Variants in STK32B observed in about 807,000 individuals in gnomAD.
The protein encoded by STK32B is serine/threonine kinase 32B, also known as serine/threonine-protein kinase 32B.
A neutral mutation model predicts 52.6 loss-of-function variants in STK32B; 43 were observed. The observed-to-expected ratio is 0.82, with a 90% CI of 0.64 to 1.05. The LOEUF is 1.05. Among genes scored for constraint, STK32B ranks in the 50% least tolerant of loss-of-function variants. The pLI, the probability that STK32B is intolerant of heterozygous loss-of-function variation, is 0.00. For synonymous variants in STK32B, 238 were observed against 204.3 expected, an observed-to-expected ratio of 1.17 and a Z score of -1.41; for missense variants, 621 against 534.6, an observed-to-expected ratio of 1.16 and a Z score of -1.59.
rs562838621 is a variant in STK32B, at chr4:5,486,248, C to T, written c.1107-12697C>T. Among the ~76,000 whole-genome samples the T allele has an allele frequency of 6.6e-5, 10 of 152,308 alleles. No individual in the cohort carries two copies. In the South Asian group the frequency reaches 2.1e-3, roughly 32 times the overall value. On this transcript the variant is annotated intron_variant, in intron 11 of 11. Transcript: ENST00000282908. ...AGTGGGCTCCACCCAGTTCGAGCTT[C>T]CCAGCCTCTTTGTTTACCTACTCAA...
intron 6 of STK32B, among the ~76,000 whole-genome samples, chr4:5,421,179 T>G (rs556839809): frequency 5.3e-5 from 8 of 152,202 alleles, no homozygotes; most frequent in African/African-American, 1.9e-4. Flanking sequence ...AAACTCCACC[T>G]CCTGGGTTCA....
At chr4:5,405,968 T>C (rs1302105531) in intron 5 of STK32B, among the ~76,000 whole-genome samples, 2 of 152,188 alleles carry the variant, frequency 1.3e-5, no homozygotes, top group East Asian at 3.8e-4. Flanking sequence ...ATTTGAGCAT[T>C]AACTCAAAAG....
rs73091570 is a variant in STK32B at position 5,167,985 on chromosome 4, A to G, written c.109-314A>G. Among the ~76,000 whole-genome samples the G allele has an allele frequency of 6.4e-3, 977 of 152,050 alleles. 10 individuals are homozygous for G. Among genetic ancestry groups the G allele is most frequent in the African/African-American group, 0.022 (894 of 41,466 alleles). On this transcript the variant is annotated intron_variant, in intron 2 of 11. Transcript: ENST00000282908. ...TCACTGGTGCTTTTTGCATTTATCT[A>G]TTTTCCTCGTGGGCTGTGAGCCCCT... is the stretch of plus-strand genomic sequence containing the variant.
intron 1 of STK32B, among the ~76,000 whole-genome samples, chr4:5,094,241 A>T (rs1378758072): frequency 6.6e-6 from 1 of 152,258 alleles, no homozygotes; most frequent in Non-Finnish European, 1.5e-5. Context: ...CAAAGAATTT[A>T]AGGCCAGCAA....
chr4:5,496,146 C>T (rs1371472203), intron 11 of STK32B, among the ~76,000 whole-genome samples: 1 of 152,232 alleles, frequency 6.6e-6, no homozygotes, highest in Non-Finnish European at 1.5e-5. Context: ...GAGGTTACTG[C>T]TGTCTTTTTG....
chr4:5,313,662 C>T (rs758063127), intron 3 of STK32B, among the ~76,000 whole-genome samples: 1 of 151,960 alleles, frequency 6.6e-6, no homozygotes, highest in Non-Finnish European at 1.5e-5. Context: ...TGTGTATGTG[C>T]GTGTGTGTGC....
chr4:5,263,987 A>G (rs904604590), intron 3 of STK32B, among the ~76,000 whole-genome samples: 1 of 152,242 alleles, frequency 6.6e-6, no homozygotes. Flanking sequence ...CATTGTATAT[A>G]GGAGCAGTTT....
At chr4:5,254,981 T>C (rs1283231916) in intron 3 of STK32B, among the ~76,000 whole-genome samples, 5 of 151,660 alleles carry the variant, frequency 3.3e-5, no homozygotes, top group African/African-American at 4.9e-5. Context: ...TATATATGTT[T>C]ATTGAGCATC....
intron 7 of STK32B, among the ~76,000 whole-genome samples, chr4:5,450,353 G>A (rs1715871978): frequency 6.6e-6 from 1 of 152,152 alleles, no homozygotes; most frequent in African/African-American, 2.4e-5. Context: ...CCACAGAGAA[G>A]AGATGGACAG....
At chr4:5,451,554 T>C (rs1259438194) in intron 7 of STK32B, among the ~76,000 whole-genome samples, 1 of 152,142 alleles carries the variant, frequency 6.6e-6, no homozygotes, top group Admixed American at 6.5e-5. Context: ...TCAATGGTCT[T>C]CAGTGAGCCT....
At chr4:5,224,696 T>C (rs945452782) in intron 3 of STK32B, among the ~76,000 whole-genome samples, 3 of 152,192 alleles carry the variant, frequency 2.0e-5, no homozygotes, top group Non-Finnish European at 4.4e-5. Flanking sequence ...ATATCACTAA[T>C]GTTAATTAAT....
chr4:5,466,043 A>G (rs1051686961), intron 9 of STK32B, among the ~76,000 whole-genome samples: 4 of 152,216 alleles, frequency 2.6e-5, no homozygotes, highest in Non-Finnish European at 5.9e-5. Context: ...AGCTGCTGTT[A>G]TAGCCACCGG....
intron 3 of STK32B, among the ~76,000 whole-genome samples, chr4:5,319,241 G>C (rs1170808257): frequency 6.6e-6 from 1 of 152,128 alleles, no homozygotes; most frequent in Non-Finnish European, 1.5e-5. Context: ...ATGAGGATAT[G>C]GGGCCCAGAA....
intron 2 of STK32B, among the ~76,000 whole-genome samples, chr4:5,145,387 A>C (rs528058561): frequency 6.6e-6 from 1 of 152,328 alleles, no homozygotes; most frequent in Non-Finnish European, 1.5e-5. Flanking sequence ...CAACAGAATG[A>C]ACACATCTTA....
At chr4:5,473,489 T>G (rs1487280147) in intron 11 of STK32B, among the ~76,000 whole-genome samples, 1 of 152,078 alleles carries the variant, frequency 6.6e-6, no homozygotes, top group Non-Finnish European at 1.5e-5. Context: ...ATTTCACAGG[T>G]TAGGAAGTAC....
chr4:5,051,314 G>T, upstream of STK32B: 1 of 155,674 alleles, frequency 6.4e-6, no homozygotes, highest in Non-Finnish European at 1.4e-5. Context: ...CCTGGCCATA[G>T]TGGGTGCTGA....
rs1716162087 is a variant in STK32B, at chr4:5,453,213, ACAG to A, written c.667-3593_667-3591del. 7.4e-6 allele frequency among the ~76,000 whole-genome samples: 1 copy of A among 134,408 alleles called. No homozygotes were observed. Among genetic ancestry groups the A allele is most frequent in the African/African-American group, 2.7e-5 (1 of 37,228 alleles). 88.2% of individuals were successfully genotyped at this position (134,408 alleles called of 152,430 possible). On this transcript the variant is annotated intron_variant, in intron 7 of 11. Transcript: ENST00000282908. This position sits in a 1 kb window ranked among gnomAD's most constrained non-coding sequence, Gnocchi z 4.0. ...GTTGCCTCCAGAAGGAGAGAGAATTACAGAGATTAGGGAGAGAGAGAGAGAGAG... is the reference window on the plus strand; with the variant it reads ...GTTGCCTCCAGAAGGAGAGAGAATTAAGATTAGGGAGAGAGAGAGAGAGAG...
rs151001460 is a variant in STK32B, at chr4:5,356,609, A to G, written c.434+25216A>G. Among the ~76,000 whole-genome samples the G allele has an allele frequency of 1.2e-3, 181 of 152,250 alleles. 2 individuals carry two copies. Among genetic ancestry groups the G allele is most frequent in the African/African-American group, 4.1e-3 (172 of 41,548 alleles). On this transcript the variant is annotated intron_variant, in intron 4 of 11. Transcript: ENST00000282908. ...TTCCCTGCAGTCGCTTATTGTGTAT[A>G]TGACACATCCAAATTTGCAACCAGG... is the stretch of plus-strand genomic sequence containing the variant.
chr4:5,348,682 G>A (rs547525198), intron 4 of STK32B, among the ~76,000 whole-genome samples: 1 of 152,312 alleles, frequency 6.6e-6, no homozygotes, highest in South Asian at 2.1e-4. Flanking sequence ...CTTTGGCACA[G>A]CCACTGCCAC....
Sources: allele counts gnomAD v4.1 joint callset (sites outside exome capture counted in the v4.1 genomes callset), GRCh38; gene constraint gnomAD v4.1.1; non-coding constraint Gnocchi (gnomAD v3.1); transcripts MANE v1.5; gene names NCBI Gene and HGNC (gene_info 2026-07-23, HGNC 2026-07-21).